LMF1: variants seen among roughly 807,000 people sequenced by gnomAD.
LMF1 encodes transmembrane protein 112.
Under a neutral mutation model 60.6 loss-of-function variants are expected in LMF1, and 68 were observed. The observed-to-expected ratio is 1.12, with a 90% CI of 0.92 to 1.37. The LOEUF is 1.37. LMF1 is among the 40% of genes most tolerant of loss of function. The probability of loss-of-function intolerance (pLI) is 0.00; values close to 1 mark genes in which losing one functional copy is unlikely to be tolerated. For synonymous variants in LMF1, 418 were observed against 324.7 expected (o/e 1.29, Z -3.09); for missense variants, 948 against 767.2 (o/e 1.24, Z -2.78).
intron 2 of LMF1, among the ~76,000 whole-genome samples, chr16:946,714 TG>T (rs1260812104): frequency 3.3e-5 from 5 of 152,200 alleles, no homozygotes; most frequent in Non-Finnish European, 5.9e-5. Context: ...CCAAACAACA[TG>T]GGCTCAGTCA....
At chr16:934,394 G>A (rs982375286) in intron 2 of LMF1, 140 bp from the exon 3 acceptor site, 31 of 1,036,212 alleles carry the variant, frequency 3.0e-5, no homozygotes, top group South Asian at 8.2e-5. Flanking sequence ...GGACCTGCCC[G>A]CTGGGCATTA....
At chr16:948,077 GACA>G (rs373121957) in intron 2 of LMF1, among the ~76,000 whole-genome samples, 32 of 149,574 alleles carry the variant, frequency 2.1e-4, no homozygotes, top group Admixed American at 7.4e-4. Flanking sequence ...CAGACTTAGA[GACA>G]ACGAGAGAGT....
chr16:880,169 G>C (rs1265614552), intron 5 of LMF1, among the ~76,000 whole-genome samples: 1 of 152,186 alleles, frequency 6.6e-6, no homozygotes, highest in African/African-American at 2.4e-5. Flanking sequence ...CCTTTCCCTG[G>C]GGATGGACAC....
chr16:884,476 G>A (rs2070250827), intron 5 of LMF1, among the ~76,000 whole-genome samples: 1 of 150,880 alleles, frequency 6.6e-6, no homozygotes, highest in African/African-American at 2.5e-5. Context: ...AAAAATGAAG[G>A]TGAAATAAAG....
chr16:943,473 C>T (rs931335627), intron 2 of LMF1, among the ~76,000 whole-genome samples: 2 of 151,750 alleles, frequency 1.3e-5, no homozygotes, highest in Non-Finnish European at 1.5e-5. Flanking sequence ...TGCCTGTAAT[C>T]CCAGCACTTT....
At chr16:914,461 T>A (rs1333215667) in intron 3 of LMF1, among the ~76,000 whole-genome samples, 1 of 149,784 alleles carries the variant, frequency 6.7e-6, no homozygotes, top group Non-Finnish European at 1.5e-5. Flanking sequence ...AGCCCCGTGA[T>A]CGCTCCAGCT....
intron 7 of LMF1, 95 bp from the exon 8 acceptor site, chr16:870,977 G>A: frequency 6.8e-7 from 1 of 1,472,686 alleles, no homozygotes; most frequent in Non-Finnish European, 9.0e-7. Flanking sequence ...AGGGTCAGCT[G>A]TCCTGGGTCC....
At chr16:978,781 C>G (rs574212276) in intron 1 of LMF1, among the ~76,000 whole-genome samples, 139 of 152,170 alleles carry the variant, frequency 9.1e-4, no homozygotes, top group Non-Finnish European at 9.3e-4. Context: ...GCAGCTCCCC[C>G]CTGGATGAAG....
intron 2 of LMF1, among the ~76,000 whole-genome samples, chr16:942,358 T>C (rs2072122167): frequency 6.6e-6 from 1 of 152,274 alleles, no homozygotes; most frequent in Non-Finnish European, 1.5e-5. Context: ...GACTACAATG[T>C]GCCCAGATAA....
intron 8 of LMF1, 104 bp downstream of exon 8, chr16:870,625 T>A (rs906130654): frequency 7.4e-7 from 1 of 1,354,448 alleles, no homozygotes; most frequent in African/African-American, 1.4e-5. Flanking sequence ...AGGGGACACT[T>A]GGGGTCATGG....
chr16:894,151 C>T (rs12927620), intron 4 of LMF1, among the ~76,000 whole-genome samples: 17 of 139,606 alleles, frequency 1.2e-4, no homozygotes, highest in Non-Finnish European at 1.9e-4. Flanking sequence ...CCCTGTCCAC[C>T]GGACCGTCCG....
chr16:874,581 G>A lies in LMF1; in HGVS notation c.898-3240C>T, dbSNP rs533668620. ...GCAGGCAGCGGCCCCAGGGCCCCGC[G>A]GAACCCTCCGGAACAGCTGTGTAAA... is the stretch of plus-strand genomic sequence containing the variant. On this transcript the variant is annotated intron_variant, in intron 6 of 10. Transcript: ENST00000262301. This position sits in a 1 kb window ranked among gnomAD's most constrained non-coding sequence, Gnocchi z 4.1. Among the ~76,000 whole-genome samples the A allele has an allele frequency of 1.3e-5, 2 of 152,278 alleles. No homozygotes were observed. Among genetic ancestry groups the A allele is most frequent in the Admixed American group, 6.5e-5 (1 of 15,308 alleles).
intron 8 of LMF1, among the ~76,000 whole-genome samples, chr16:870,404 G>C (rs2069747398): frequency 6.6e-6 from 1 of 152,234 alleles, no homozygotes; most frequent in Admixed American, 6.5e-5. Context: ...CCTGTGTTCA[G>C]GTGGCACTAC....
At chr16:945,494 C>A (rs1241390642) in intron 2 of LMF1, among the ~76,000 whole-genome samples, 1 of 151,082 alleles carries the variant, frequency 6.6e-6, no homozygotes, top group African/African-American at 2.4e-5. Context: ...TGACTGCATT[C>A]CAGTCTGGGT....
chr16:954,770 C>T, intron 1 of LMF1, 104 bp from the exon 2 acceptor site: 1 of 1,068,170 alleles, frequency 9.4e-7, no homozygotes, highest in East Asian at 2.5e-5. Context: ...GAAGGGGAGG[C>T]AGAGTCTGGC....
intron 2 of LMF1, among the ~76,000 whole-genome samples, chr16:937,968 C>A (rs2071990501): frequency 6.6e-6 from 1 of 151,906 alleles, no homozygotes; most frequent in Non-Finnish European, 1.5e-5. Context: ...TGCAGCTGAT[C>A]CCACCATCAA....
intron 5 of LMF1, among the ~76,000 whole-genome samples, chr16:889,110 A>G (rs1246238677): frequency 6.6e-6 from 1 of 152,182 alleles, no homozygotes; most frequent in East Asian, 1.9e-4. Context: ...GAACTGAGTT[A>G]GCTGCAGGGC....
chr16:860,808 G>C (rs1207740588), intron 10 of LMF1, among the ~76,000 whole-genome samples: 4 of 152,150 alleles, frequency 2.6e-5, no homozygotes, highest in Non-Finnish European at 5.9e-5. Flanking sequence ...CTCTTTGTGG[G>C]TTCTCTGTTG....
At chr16:918,797 A>ACCCCGACTCTCACGCGGGGCCGG (rs1567237437) in intron 3 of LMF1, among the ~76,000 whole-genome samples, 1 of 71,648 alleles carries the variant, frequency 1.4e-5, no homozygotes, top group African/African-American at 1.0e-4. Flanking sequence ...CGCGGGGCCG[A>ACCCCGACTCTCACGCGGGGCCGG]CGTCCCGGGG....
Sources: gnomAD v4.1 joint callset for allele counts (sites outside exome capture counted in the v4.1 genomes callset) on GRCh38, gnomAD v4.1.1 for gene constraint, Gnocchi (gnomAD v3.1) non-coding constraint, MANE v1.5 for transcripts, NCBI Gene and HGNC (gene_info 2026-07-23, HGNC 2026-07-21) for gene names.